Variants in MYLK4 observed in about 807,000 individuals in gnomAD.
The protein encoded by MYLK4 is myosin light chain kinase family member 4.
Under a neutral mutation model 48.1 loss-of-function variants are expected in MYLK4, and 46 were observed. The observed-to-expected ratio is 0.96, with a 90% confidence interval of 0.75 to 1.22. MYLK4 has a LOEUF of 1.22. MYLK4 is among the 50% of genes most tolerant of loss of function. The probability of loss-of-function intolerance (pLI) is 0.00; values close to 1 mark genes in which losing one functional copy is unlikely to be tolerated. For synonymous variants in MYLK4, 170 were observed against 180.8 expected, an observed-to-expected ratio of 0.94 and a Z score of 0.48; for missense variants, 451 against 486.1, an observed-to-expected ratio of 0.93 and a Z score of 0.68.
rs1475695763 is a variant in MYLK4 at position 2,749,144 on chromosome 6, G to A, written c.151C>T (p.His51Tyr). The A allele has an allele frequency of 2.5e-6, 4 of 1,613,238 alleles. No individual in the cohort carries two copies. Among genetic ancestry groups the A allele is most frequent in the Admixed American group, 3.3e-5 (2 of 59,994 alleles). The change falls in exon 2 of 13, where the codon CAT becomes TAT. Residue 51 changes from histidine (H) to tyrosine (Y), a missense_variant. Coordinates refer to ENST00000274643, the MANE Select transcript of MYLK4 (RefSeq NM_001012418.5). The stretch of plus-strand genomic sequence containing the variant: ...AATTAGAACATGATTACCTCATTAT[G>A]TCCAGATCTTGAATCCTGGTCCCCA... ...NSGDQDSRSG[H>Y]NEAKEVWSNA... is the part of the protein sequence containing the mutation.
intron 2 of MYLK4, among the ~76,000 whole-genome samples, chr6:2,704,342 G>C (rs2113225255): frequency 6.6e-6 from 1 of 152,294 alleles, no homozygotes; most frequent in East Asian, 1.9e-4. Context: ...CGTCCATGCA[G>C]CGCAATCTGT....
At position 2,664,403 on chromosome 6, in the gene MYLK4, T is replaced by C. The variant is rs1220170142; in HGVS notation, c.*3522A>G. 6.6e-6 allele frequency: 1 copy of C among 152,228 alleles called. No homozygotes were observed. Among genetic ancestry groups the C allele is most frequent in the Non-Finnish European group, 1.5e-5 (1 of 68,056 alleles). 9.4% of individuals were successfully genotyped at this position (152,228 alleles called of 1,614,324 possible). On this transcript the variant is annotated 3_prime_UTR_variant, in exon 13 of 13. Transcript: ENST00000274643. ...AGCCCTCCAGGGGCCTGATGCTGCC[T>C]CTCACTTGTGCTTTTACAAGCGGAC...
chr6:2,713,022 A>G (rs1682360685), intron 2 of MYLK4, among the ~76,000 whole-genome samples: 2 of 152,186 alleles, frequency 1.3e-5, no homozygotes, highest in East Asian at 3.8e-4. Context: ...TTGGATCCAA[A>G]GATTATTGTG....
chr6:2,694,799 G>A (rs1462868053), intron 2 of MYLK4, among the ~76,000 whole-genome samples: 1 of 151,996 alleles, frequency 6.6e-6, no homozygotes, highest in Non-Finnish European at 1.5e-5. Context: ...ATGAAGTTGG[G>A]TAATTTCCCA....
chr6:2,698,157 C>T (rs1762137717), intron 2 of MYLK4, among the ~76,000 whole-genome samples: 1 of 152,202 alleles, frequency 6.6e-6, no homozygotes, highest in Non-Finnish European at 1.5e-5. Context: ...CTGTTGCAAA[C>T]AGGCCAGATA....
At chr6:2,766,345 G>A in the MYLK4 span, 1 of 1,610,516 alleles carries the variant, frequency 6.2e-7, no homozygotes, top group East Asian at 2.2e-5. Flanking sequence ...ATTACTTCGG[G>A]CAGAGCAAGG....
chr6:2,702,652 C>T (rs1042056461), intron 2 of MYLK4, among the ~76,000 whole-genome samples: 8 of 152,250 alleles, frequency 5.3e-5, no homozygotes, highest in African/African-American at 1.9e-4. Flanking sequence ...TTTTTAACAT[C>T]CTCACCACAA....
intron 2 of MYLK4, among the ~76,000 whole-genome samples, chr6:2,737,364 ATG>A (rs1443503690): frequency 6.6e-6 from 1 of 152,232 alleles, no homozygotes; most frequent in Non-Finnish European, 1.5e-5. Context: ...GCCTTGCTTA[ATG>A]CTTTTGATTT....
rs781685097 is a variant in MYLK4, at chr6:2,667,613, T to G, written c.*312A>C. ...AGACATAATGCACCCCCTGCCCCAG[T>G]GACTAAGATCAAAAAATTTTTTTAA... On this transcript the variant is annotated 3_prime_UTR_variant, in exon 13 of 13. Coordinates refer to ENST00000274643, the MANE Select transcript of MYLK4 (RefSeq NM_001012418.5). 6.6e-6 allele frequency: 1 copy of G among 152,598 alleles called. No individual in the cohort carries two copies. The highest frequency in any genetic ancestry group is 1.5e-5 in the Non-Finnish European group (1 of 68,038). The allele number at this position is 152,598 out of a possible 1,614,324, so 9.5% of individuals were successfully genotyped here. A position where few individuals can be genotyped will look rare whatever the true frequency, so the allele number is the denominator to read the frequency against.
chr6:2,731,956 A>G (rs981572102), intron 2 of MYLK4, among the ~76,000 whole-genome samples: 2 of 152,192 alleles, frequency 1.3e-5, no homozygotes, highest in Non-Finnish European at 2.9e-5. Flanking sequence ...AGTCAGTCTG[A>G]CCATCTCCAG....
intron 2 of MYLK4, among the ~76,000 whole-genome samples, chr6:2,744,694 G>T (rs17135663): frequency 0.046 from 6,974 of 152,178 alleles, 283 homozygotes; most frequent in East Asian, 0.15. Flanking sequence ...GGGAGCATTT[G>T]TACCGGGCAT....
chr6:2,676,091 CAAAAA>C (rs34207127), intron 10 of MYLK4, among the ~76,000 whole-genome samples: 1 of 128,258 alleles, frequency 7.8e-6, no homozygotes. Flanking sequence ...GATTCTGTCT[CAAAAA>C]AAAAAAAAAA....
At chr6:2,751,970 G>C (rs1364234762), upstream of MYLK4, among the ~76,000 whole-genome samples, 1 of 152,200 alleles carries the variant, frequency 6.6e-6, no homozygotes, top group Non-Finnish European at 1.5e-5. Context: ...GACTAAGCTG[G>C]TTTGAGGTTA....
chr6:2,769,239 T>C, the MYLK4 span, among the ~76,000 whole-genome samples: 2 of 152,194 alleles, frequency 1.3e-5, no homozygotes, highest in African/African-American at 4.8e-5. Flanking sequence ...TTTTTAAAAA[T>C]TACTTTAACA....
rs1760933522 is a variant in MYLK4, at chr6:2,672,408, G to A, written c.1120-1060C>T. Among the ~76,000 whole-genome samples the A allele has an allele frequency of 6.6e-6, 1 of 152,114 alleles. No individual in the cohort carries two copies. Among genetic ancestry groups the A allele is most frequent in the Admixed American group, 6.5e-5 (1 of 15,276 alleles). On this transcript the variant is annotated intron_variant, in intron 11 of 12. Coordinates refer to ENST00000274643, the MANE Select transcript of MYLK4 (RefSeq NM_001012418.5). The surrounding 1 kb of genome is among the most constrained non-coding windows in gnomAD (Gnocchi z 4.3). ...TACAGAGGGCAGAGAACTCTCGGATGTTAACTTCTAAGAAAAAAAAATCCT... is the reference window on the plus strand; with the variant it reads ...TACAGAGGGCAGAGAACTCTCGGATATTAACTTCTAAGAAAAAAAAATCCT...
chr6:2,689,190 C>G (rs760823069), intron 3 of MYLK4, among the ~76,000 whole-genome samples: 1 of 152,230 alleles, frequency 6.6e-6, no homozygotes, highest in African/African-American at 2.4e-5. Flanking sequence ...CAATGGTTGT[C>G]CATACCATCT....
chr6:2,744,041 TG>T, intron 2 of MYLK4: 9 of 399,116 alleles, frequency 2.3e-5, no homozygotes, highest in Middle Eastern at 6.3e-4. Flanking sequence ...GTCCATTCTT[TG>T]GGAGCAGCTG....
At chr6:2,766,000 C>G in the MYLK4 span, 1 of 1,361,050 alleles carries the variant, frequency 7.3e-7, no homozygotes, top group Non-Finnish European at 9.5e-7. Flanking sequence ...TCCCCGACTT[C>G]CCGGTGGCCC....
chr6:2,710,967 C>A (rs1214691280), intron 2 of MYLK4, among the ~76,000 whole-genome samples: 1 of 152,098 alleles, frequency 6.6e-6, no homozygotes, highest in African/African-American at 2.4e-5. Context: ...CAAGTTTATT[C>A]CTTATAATAA....
Sources: allele counts gnomAD v4.1 joint callset (sites outside exome capture counted in the v4.1 genomes callset), GRCh38; gene constraint gnomAD v4.1.1; non-coding constraint Gnocchi (gnomAD v3.1); transcripts MANE v1.5; gene names NCBI Gene and HGNC (gene_info 2026-07-23, HGNC 2026-07-21).